The following SELENOF variants were observed in gnomAD, a reference collection of about 807,000 sequenced individuals.
SELENOF encodes the protein 15 kDa selenoprotein.
In SELENOF, 16 loss-of-function variants were observed where a neutral mutation model predicts 20.5. The observed-to-expected ratio is 0.78, with a 90% CI of 0.53 to 1.19. SELENOF has a LOEUF of 1.19. Ranked by LOEUF, SELENOF falls within the 50% of genes most tolerant of loss-of-function variation. The pLI is 0.00. For missense variants in SELENOF, 215 were observed against 194.2 expected, an observed-to-expected ratio of 1.11 and a Z score of -0.64; for synonymous variants, 78 against 74.5, an observed-to-expected ratio of 1.05 and a Z score of -0.24.
At chr1:86,896,254 G>A (rs1659521555) in intron 2 of SELENOF, among the ~76,000 whole-genome samples, 1 of 151,494 alleles carries the variant, frequency 6.6e-6, no homozygotes, top group Admixed American at 6.6e-5. Flanking sequence ...AAAACAAAGA[G>A]GGGGGGAGGG....
chr1:86,876,575 AAATATAAG>A (rs1357339796), intron 3 of SELENOF, among the ~76,000 whole-genome samples: 5 of 152,228 alleles, frequency 3.3e-5, no homozygotes, highest in Admixed American at 2.0e-4. Context: ...GGAAGTAAAA[AAATATAAG>A]AAATACAATT....
intron 4 of SELENOF, among the ~76,000 whole-genome samples, chr1:86,864,275 C>G (rs1046829867): frequency 1.3e-5 from 2 of 152,200 alleles, no homozygotes; most frequent in Non-Finnish European, 2.9e-5. Context: ...CCTGAAACTT[C>G]AAATCCATTA....
chr1:86,873,815 G>A (rs1042270378), intron 3 of SELENOF, among the ~76,000 whole-genome samples: 5 of 145,956 alleles, frequency 3.4e-5, no homozygotes, highest in Non-Finnish European at 7.4e-5. Context: ...TTGCGCTGTC[G>A]CACTCCAGCC....
intron 4 of SELENOF, among the ~76,000 whole-genome samples, chr1:86,866,392 TGAA>T (rs1260781670): frequency 6.7e-6 from 1 of 148,768 alleles, no homozygotes. Context: ...AGTAAGTATC[TGAA>T]GTAGTCAAAA....
intron 1 of SELENOF, among the ~76,000 whole-genome samples, chr1:86,911,591 T>C (rs1659983796): frequency 2.0e-5 from 3 of 152,118 alleles, no homozygotes; most frequent in Admixed American, 2.0e-4. Context: ...TGATGCACTG[T>C]AGAGATTGGA....
At chr1:86,868,356 G>A (rs532515860) in intron 3 of SELENOF, among the ~76,000 whole-genome samples, 71 of 152,250 alleles carry the variant, frequency 4.7e-4, no homozygotes, top group African/African-American at 1.6e-3. Context: ...GTGATAGACA[G>A]TACAGCTCAA....
rs1172840193 is a variant in SELENOF, at chr1:86,870,009, G to A, written c.317-1907C>T. On this transcript the variant is annotated intron_variant, in intron 3 of 4. Transcript: ENST00000331835. ...AGGATGGTCTCGATCTCCTGACCTT[G>A]TGATCCGCCTGCCTTGGCCTCCCAA... 3.3e-5 allele frequency among the ~76,000 whole-genome samples: 5 copies of A among 152,176 alleles called. No homozygotes were observed. The East Asian group carries it at 9.6e-4, about 29-fold the overall frequency.
At chr1:86,905,640 T>C (rs1457557811) in intron 1 of SELENOF, among the ~76,000 whole-genome samples, 1 of 152,210 alleles carries the variant, frequency 6.6e-6, no homozygotes, top group Non-Finnish European at 1.5e-5. Flanking sequence ...TGTCTTTCCC[T>C]CACTTGTGAC....
chr1:86,902,307 T>G (rs768342045), intron 2 of SELENOF, among the ~76,000 whole-genome samples: 1 of 152,200 alleles, frequency 6.6e-6, no homozygotes, highest in Non-Finnish European at 1.5e-5. Flanking sequence ...TTTGAGATAC[T>G]TGGAATTTCA....
At chr1:86,885,439 G>A (rs547127) in intron 2 of SELENOF, among the ~76,000 whole-genome samples, 39,442 of 151,934 alleles carry the variant, frequency 0.26, 6,321 homozygotes, top group African/African-American at 0.45. Context: ...CTGAACAAAG[G>A]TGACACTTGA....
intron 2 of SELENOF, among the ~76,000 whole-genome samples, chr1:86,881,921 C>A (rs899770697): frequency 1.3e-5 from 2 of 151,986 alleles, no homozygotes; most frequent in Admixed American, 6.6e-5. Flanking sequence ...AGGGTCACTG[C>A]AGCAATAAAA....
rs780942752 is a variant in SELENOF, at chr1:86,880,647, G to A, written c.316+15C>T. 1 of 1,509,798 alleles carries A rather than the reference G, an allele frequency of 6.6e-7. No individual in the cohort carries two copies. Among genetic ancestry groups the A allele is most frequent in the Non-Finnish European group, 9.0e-7 (1 of 1,106,296 alleles). 93.5% of individuals were successfully genotyped at this position (1,509,798 alleles called of 1,614,324 possible). A position where few individuals can be genotyped will look rare whatever the true frequency, so the allele number is the denominator to read the frequency against. On this transcript the variant is annotated intron_variant, in intron 3 of 4. Coordinates refer to ENST00000331835, the MANE Select transcript of SELENOF (RefSeq NM_004261.5). ...TTAAATGACTGAACAGTTTACTGGAGTAAATTTTATATACCTTGGACTTGA... is the reference window on the plus strand; with the variant it reads ...TTAAATGACTGAACAGTTTACTGGAATAAATTTTATATACCTTGGACTTGA...
intron 2 of SELENOF, among the ~76,000 whole-genome samples, chr1:86,883,914 T>G (rs1659142804): frequency 6.6e-6 from 1 of 152,156 alleles, no homozygotes; most frequent in Non-Finnish European, 1.5e-5. Flanking sequence ...TAACCAAAAA[T>G]ATTAGAAACA....
intron 3 of SELENOF, among the ~76,000 whole-genome samples, chr1:86,879,513 A>G (rs1474837849): frequency 6.6e-6 from 1 of 152,232 alleles, no homozygotes; most frequent in Non-Finnish European, 1.5e-5. Context: ...ATTCTAGGTC[A>G]GCAATAAAAA....
chr1:86,868,098 A>G lies in SELENOF; in HGVS notation c.321T>C (p.Phe107=), dbSNP rs1176653474. The G allele has an allele frequency of 4.7e-6, 7 of 1,487,962 alleles. No homozygotes were observed. The highest frequency in any genetic ancestry group is 6.4e-6 in the Non-Finnish European group (7 of 1,094,542). 92.2% of individuals were successfully genotyped at this position (1,487,962 alleles called of 1,614,324 possible). The change falls in exon 4 of 5, where the codon TTT becomes TTC. Residue 107 remains phenylalanine (F), a synonymous_variant. Coordinates refer to ENST00000331835, the MANE Select transcript of SELENOF (RefSeq NM_004261.5). ...KLGRFPQVQA[F]VRSDKPKLFR... is the part of the protein sequence containing the mutation. ...ACAGTTTGGGTTTATCACTCCTAACAAAAGCTTATAAAAAAAGAAAAAAAG... is the reference window on the plus strand; with the variant it reads ...ACAGTTTGGGTTTATCACTCCTAACGAAAGCTTATAAAAAAAGAAAAAAAG...
intron 3 of SELENOF, among the ~76,000 whole-genome samples, chr1:86,875,189 C>T (rs540564177): frequency 3.6e-4 from 55 of 151,232 alleles, no homozygotes; most frequent in African/African-American, 1.2e-3. Flanking sequence ...TGCAGTGAGC[C>T]GAGATCACGC....
intron 4 of SELENOF, 102 bp downstream of exon 4, chr1:86,867,951 G>A: frequency 2.1e-6 from 1 of 479,098 alleles, no homozygotes; most frequent in Admixed American, 3.7e-5. Flanking sequence ...CATAATATTT[G>A]CACATGTTTA....
At chr1:86,884,460 C>T (rs532709627) in intron 2 of SELENOF, among the ~76,000 whole-genome samples, 3 of 151,522 alleles carry the variant, frequency 2.0e-5, no homozygotes, top group South Asian at 2.1e-4. Flanking sequence ...TTTTTCATGG[C>T]GAATAAATAA....
At chr1:86,892,792 C>G (rs964234011) in intron 2 of SELENOF, among the ~76,000 whole-genome samples, 7 of 152,032 alleles carry the variant, frequency 4.6e-5, no homozygotes, top group Non-Finnish European at 8.8e-5. Flanking sequence ...GTGACAGGAG[C>G]CATTAAAGTC....
Sources: gnomAD v4.1 joint callset for allele counts (sites outside exome capture counted in the v4.1 genomes callset) on GRCh38, gnomAD v4.1.1 for gene constraint, MANE v1.5 for transcripts, NCBI Gene and HGNC (gene_info 2026-07-23, HGNC 2026-07-21) for gene names.